HFM1: variants seen among roughly 807,000 people sequenced by gnomAD.
HFM1 encodes the protein probable ATP-dependent DNA helicase HFM1.
A neutral mutation model predicts 192.1 loss-of-function variants in HFM1; 169 were observed. That is an observed-to-expected ratio of 0.88 (90% CI 0.78 to 1.00). The LOEUF (loss-of-function observed/expected upper bound fraction) is 1.00, where lower values mean the gene tolerates loss of function less well. HFM1 is among the 50% of genes least tolerant of loss of function. HFM1 has a pLI of 0.00. For missense variants in HFM1, 1,661 were observed against 1,668.0 expected (o/e 1.00, Z 0.07); for synonymous variants, 525 against 537.8 (o/e 0.98, Z 0.33).
intron 13 of HFM1, among the ~76,000 whole-genome samples, chr1:91,372,188 C>T (rs148568335): frequency 0.88 from 133,451 of 152,156 alleles, 58,317 homozygotes; most frequent in Middle Eastern, 0.93. Flanking sequence ...GGCGATTCCT[C>T]GGGGATCTAC....
chr1:91,286,708 C>T (rs1255661938), intron 30 of HFM1, among the ~76,000 whole-genome samples: 14 of 152,200 alleles, frequency 9.2e-5, no homozygotes, highest in African/African-American at 2.9e-4. Context: ...GTGTGAGCGA[C>T]GCAGAAGACG....
intron 34 of HFM1, among the ~76,000 whole-genome samples, chr1:91,268,089 TTGAG>T (rs1665935347): frequency 6.6e-6 from 1 of 152,076 alleles, no homozygotes; most frequent in Non-Finnish European, 1.5e-5. Context: ...AACAGAGTTC[TTGAG>T]TAATAGTTTT....
At chr1:91,334,100 A>C (rs1654226086) in intron 20 of HFM1, among the ~76,000 whole-genome samples, 1 of 152,230 alleles carries the variant, frequency 6.6e-6, no homozygotes, top group African/African-American at 2.4e-5. Flanking sequence ...GTTTATCCAA[A>C]GAGTAAAGTT....
intron 30 of HFM1, among the ~76,000 whole-genome samples, chr1:91,293,151 T>C (rs1029018261): frequency 2.6e-5 from 4 of 152,164 alleles, no homozygotes; most frequent in African/African-American, 7.2e-5. Flanking sequence ...GGGCAAGGGC[T>C]TCATGTCTAA....
At chr1:91,391,310 AAG>A (rs1662957469) in intron 4 of HFM1, among the ~76,000 whole-genome samples, 1 of 152,256 alleles carries the variant, frequency 6.6e-6, no homozygotes. Context: ...CCTAAGCAAA[AAG>A]AACAAAGCTG....
At chr1:91,388,802 GAC>G (rs1371462092) in intron 4 of HFM1, among the ~76,000 whole-genome samples, 2 of 406 alleles carry the variant, frequency 4.9e-3, no homozygotes, top group South Asian at 0.1. Context: ...AGATAAACTG[GAC>G]TCTATCAAAA....
chr1:91,263,636 C>T (rs1424681211), intron 36 of HFM1, among the ~76,000 whole-genome samples: 1 of 151,944 alleles, frequency 6.6e-6, no homozygotes, highest in Non-Finnish European at 1.5e-5. Context: ...ACCTGTAGTC[C>T]CAGCTACTTG....
At chr1:91,318,117 T>C (rs965178040) in intron 25 of HFM1, among the ~76,000 whole-genome samples, 4 of 152,330 alleles carry the variant, frequency 2.6e-5, no homozygotes, top group Admixed American at 6.5e-5. Context: ...TTGAGAACTC[T>C]TGCCTTTGTG....
At chr1:91,369,243 C>G (rs1260778077) in intron 13 of HFM1, among the ~76,000 whole-genome samples, 3 of 152,090 alleles carry the variant, frequency 2.0e-5, no homozygotes, top group African/African-American at 7.2e-5. Context: ...ACTGCACCAA[C>G]CAGACCTAAT....
At chr1:91,354,176 A>C (rs1571071965) in intron 13 of HFM1, among the ~76,000 whole-genome samples, 1 of 151,952 alleles carries the variant, frequency 6.6e-6, no homozygotes, top group Non-Finnish European at 1.5e-5. Flanking sequence ...TTGGAGCTAA[A>C]GAATTAAATG....
rs373960701 is a variant in HFM1, at chr1:91,352,494, A to G, written c.1977+12T>C. ...GTTTTTAAGTATAAAAAGCAAAGTT[A>G]TTGTCACTTACTTGAGGTCGACCAG... On this transcript the variant is annotated intron_variant, in intron 16 of 38. Transcript: ENST00000370425. The G allele has an allele frequency of 6.5e-7, 1 of 1,547,376 alleles. No homozygotes were observed.
chr1:91,322,775 G>T (rs1385276630), intron 23 of HFM1, among the ~76,000 whole-genome samples, 175 bp downstream of exon 23: 1 of 152,116 alleles, frequency 6.6e-6, no homozygotes, highest in Admixed American at 6.5e-5. Context: ...ACAAATGTTT[G>T]CTAAGAAAAA....
At chr1:91,304,230 A>G (rs1371202648) in intron 30 of HFM1, among the ~76,000 whole-genome samples, 2 of 152,104 alleles carry the variant, frequency 1.3e-5, no homozygotes, top group Non-Finnish European at 2.9e-5. Flanking sequence ...ACTCAATACA[A>G]GTTAGTTATC....
intron 8 of HFM1, among the ~76,000 whole-genome samples, chr1:91,379,533 T>G (rs1571180285): frequency 6.6e-6 from 1 of 152,120 alleles, no homozygotes. Context: ...TACAAATTTG[T>G]GCTGGGCCGC....
chr1:91,314,272 G>T (rs1444527788), intron 28 of HFM1, among the ~76,000 whole-genome samples: 1 of 152,108 alleles, frequency 6.6e-6, no homozygotes, highest in African/African-American at 2.4e-5. Context: ...AATTTTCTTT[G>T]AGACAGAATC....
intron 30 of HFM1, among the ~76,000 whole-genome samples, chr1:91,308,527 T>C (rs1170526904): frequency 6.6e-6 from 1 of 152,174 alleles, no homozygotes; most frequent in Non-Finnish European, 1.5e-5. Context: ...TCATAATTAT[T>C]TTATACTTTT....
At chr1:91,302,375 C>T (rs996913632) in intron 30 of HFM1, among the ~76,000 whole-genome samples, 8 of 151,886 alleles carry the variant, frequency 5.3e-5, no homozygotes, top group African/African-American at 1.7e-4. Flanking sequence ...GTCAGTGTGG[C>T]GATTCCTCAG....
intron 25 of HFM1, among the ~76,000 whole-genome samples, chr1:91,316,869 G>A (rs1419034991): frequency 6.6e-6 from 1 of 152,084 alleles, no homozygotes; most frequent in Non-Finnish European, 1.5e-5. Flanking sequence ...ATGAAGCTAT[G>A]GCTCTCTGAC....
rs529124628 is a variant in HFM1 at position 91,297,937 on chromosome 1, C to T, written c.3391+15412G>A. ...TCACCAGCAACGGAACAAAGCTGGA[C>T]GGAGAATGACTTTGATGAGTTGAGA... On this transcript the variant is annotated intron_variant, in intron 30 of 38. Coordinates refer to ENST00000370425, the MANE Select transcript of HFM1 (RefSeq NM_001017975.6). 2.4e-3 allele frequency among the ~76,000 whole-genome samples: 368 copies of T among 152,248 alleles called. 4 individuals carry two copies. The highest frequency in any genetic ancestry group is 8.2e-3 in the African/African-American group (341 of 41,534).
Sources: gnomAD v4.1 joint callset for allele counts (sites outside exome capture counted in the v4.1 genomes callset) on GRCh38, gnomAD v4.1.1 for gene constraint, MANE v1.5 for transcripts, NCBI Gene and HGNC (gene_info 2026-07-23, HGNC 2026-07-21) for gene names.